The following SLC17A9 variants were observed in gnomAD, a reference collection of about 807,000 sequenced individuals.
SLC17A9 encodes voltage-gated purine nucleotide uniporter SLC17A9.
SLC17A9 carries 49 observed loss-of-function variants against 55.0 expected under a neutral mutation model. The observed-to-expected ratio is 0.89, with a 90% CI of 0.71 to 1.13. SLC17A9 has a LOEUF of 1.13. SLC17A9 is among the 50% of genes most tolerant of loss of function. The probability of loss-of-function intolerance (pLI) is 0.00; values close to 1 mark genes in which losing one functional copy is unlikely to be tolerated. For synonymous variants in SLC17A9, 256 were observed against 247.4 expected (o/e 1.03, Z -0.32); for missense variants, 526 against 569.3 (o/e 0.92, Z 0.77).
chr20:62,952,859 G>A lies in SLC17A9; in HGVS notation c.29G>A (p.Arg10Lys). MQPPPDEAR[R>K]DMAGDTQWSR... ...CAGCCACCCCCAGACGAGGCCCGCA[G>A]GGACATGGCCGGGGACACCCAGTGG... The change falls in exon 1 of 13, where the codon AGG (arginine) becomes AAG (lysine). Residue 10 changes from arginine to lysine, a missense_variant. Arg to Lys is a conservative substitution (Grantham distance 26). Transcript: ENST00000370351. The A allele has an allele frequency of 6.5e-7, 1 of 1,527,604 alleles. No individual in the cohort carries two copies. The highest frequency in any genetic ancestry group is 8.8e-7 in the Non-Finnish European group (1 of 1,141,738). The allele number at this position is 1,527,604 out of a possible 1,614,324, so 94.6% of individuals were successfully genotyped here.
chr20:62,952,863 C>T lies in SLC17A9; in HGVS notation c.33C>T (p.Asp11=). 7.5e-7 allele frequency: 1 copy of T among 1,335,932 alleles called. No homozygotes were observed. The highest frequency in any genetic ancestry group is 9.7e-7 in the Non-Finnish European group (1 of 1,027,190). The allele number at this position is 1,335,932 out of a possible 1,614,324, so 82.8% of individuals were successfully genotyped here. Residue 11 remains aspartate, a synonymous_variant, in exon 1 of 13, where the codon GAC becomes GAT. Coordinates refer to ENST00000370351, the MANE Select transcript of SLC17A9 (RefSeq NM_022082.4). ...CACCCCCAGACGAGGCCCGCAGGGA[C>T]ATGGCCGGGGACACCCAGTGGTCCA... MQPPPDEARR[D]MAGDTQWSRP...
intron 12 of SLC17A9, chr20:62,967,132 CT>C (rs2065647910): frequency 1.6e-6 from 1 of 623,362 alleles, no homozygotes; most frequent in Non-Finnish European, 2.8e-6. Flanking sequence ...TCTGGATGGC[CT>C]GTGAGATCTC....
rs371021173 is a variant in SLC17A9, at chr20:62,958,279, C to T, written c.397+699C>T. On this transcript the variant is annotated intron_variant, in intron 3 of 12. Transcript: ENST00000370351. This position sits in a 1 kb window ranked among gnomAD's most constrained non-coding sequence, Gnocchi z 4.1. ...CCTGCCCCTGAATTTTGTCACCAAACGCCTTAGTTCAGTGGTGGATTCCAG... is the reference window on the plus strand; with the variant it reads ...CCTGCCCCTGAATTTTGTCACCAAATGCCTTAGTTCAGTGGTGGATTCCAG... 2.0e-5 allele frequency among the ~76,000 whole-genome samples: 3 copies of T among 152,194 alleles called. No homozygotes were observed. Among genetic ancestry groups the T allele is most frequent in the African/African-American group, 7.2e-5 (3 of 41,432 alleles).
chr20:62,954,714 T>C (rs2065521259), intron 1 of SLC17A9, among the ~76,000 whole-genome samples: 1 of 152,220 alleles, frequency 6.6e-6, no homozygotes, highest in South Asian at 2.1e-4. Flanking sequence ...TGTGCCCACC[T>C]GGCCAGCACC....
At chr20:62,952,920 G>GGGGGGGGGCA in intron 1 of SLC17A9, 31 bp downstream of exon 1, 1 of 370,426 alleles carries the variant, frequency 2.7e-6, no homozygotes, top group Non-Finnish European at 5.3e-6. Flanking sequence ...GGGGGGGTGG[G>GGGGGGGGGCA]AGCGGTGGAG....
At chr20:62,961,532 T>C (rs1191777313) in intron 4 of SLC17A9, among the ~76,000 whole-genome samples, 2 of 152,092 alleles carry the variant, frequency 1.3e-5, no homozygotes, top group East Asian at 3.9e-4. Context: ...TGTAGCAGGG[T>C]GGATTGGTGC....
Position 62,957,180 on chromosome 20 carries a change from A to AC in SLC17A9, c.257+225dup, listed in dbSNP as rs1177879619. On this transcript the variant is annotated intron_variant, in intron 2 of 12. Coordinates refer to ENST00000370351, the MANE Select transcript of SLC17A9 (RefSeq NM_022082.4). ...CTTGGTGGATAAATCTGGGCAGAAG[A>AC]CCCCCCCAGAGGAAGATGGGAGCTG... The AC allele has an allele frequency of 2.9e-5, 29 of 983,192 alleles. No homozygotes were observed. In the South Asian group the frequency reaches 3.3e-4, roughly 11 times the overall value. The allele number at this position is 983,192 out of a possible 1,614,324, so 60.9% of individuals were successfully genotyped here. A position where few individuals can be genotyped will look rare whatever the true frequency, so the allele number is the denominator to read the frequency against.
At position 62,957,423 on chromosome 20, in the gene SLC17A9, CCTCT is replaced by C. The variant is rs778773140; in HGVS notation, c.258-17_258-14del. The C allele has an allele frequency of 2.5e-5, 39 of 1,561,270 alleles. No individual in the cohort carries two copies. Among genetic ancestry groups the C allele is most frequent in the Non-Finnish European group, 2.9e-5 (34 of 1,155,074 alleles). ...TCCTGCACAGCCACATCCTCACCTC[CCTCT>C]GTCTTCCCTCCAGGATTGGGGGTGA... On this transcript the variant is annotated splice_polypyrimidine_tract_variant and intron_variant, in intron 2 of 12. Transcript: ENST00000370351.
chr20:62,962,875 A>AGAATCCGCC lies in SLC17A9; in HGVS notation c.628+122_628+130dup. 7.1e-7 allele frequency: 1 copy of AGAATCCGCC among 1,411,108 alleles called. No homozygotes were observed. The highest frequency in any genetic ancestry group is 9.6e-7 in the Non-Finnish European group (1 of 1,046,358). 87.4% of individuals were successfully genotyped at this position (1,411,108 alleles called of 1,614,324 possible). On this transcript the variant is annotated intron_variant, in intron 5 of 12. Coordinates refer to ENST00000370351, the MANE Select transcript of SLC17A9 (RefSeq NM_022082.4). This position sits in a 1 kb window ranked among gnomAD's most constrained non-coding sequence, Gnocchi z 5.5. ...GGAGACGATGGCTTTGACCTCCCAAAGAATCCGCCAGTGAGGAAAAGCGCT... is the reference window on the plus strand; with the variant it reads ...GGAGACGATGGCTTTGACCTCCCAAAGAATCCGCCGAATCCGCCAGTGAGGAAAAGCGCT...
chr20:62,969,577 T>G lies in SLC17A9; in HGVS notation c.*2077T>G, dbSNP rs2065665864. On this transcript the variant is annotated 3_prime_UTR_variant, in exon 13 of 13. Coordinates refer to ENST00000370351, the MANE Select transcript of SLC17A9 (RefSeq NM_022082.4). ...ATTTTTAAGGCTGAATAAAATATTG[T>G]GTGGATAAGCCATGTTTTGTGTATC... The G allele has an allele frequency of 6.6e-6, 1 of 152,240 alleles. No individual in the cohort carries two copies. The highest frequency in any genetic ancestry group is 2.4e-5 in the African/African-American group (1 of 41,452). The allele number at this position is 152,240 out of a possible 1,614,324, so 9.4% of individuals were successfully genotyped here.
chr20:62,965,611 G>A lies in SLC17A9; in HGVS notation c.947G>A (p.Gly316Asp). The change falls in exon 10 of 13, where the codon GGC (glycine) becomes GAC (aspartate). Residue 316 changes from glycine (G) to aspartate (D), a missense_variant and splice_region_variant. Transcript: ENST00000370351. ...RAITVRKLMQ[G>D]MGLGLSSVFA... ...CGTCACGGTGGCGCTTTCCTGCAGGGCATGGGCCTTGGCCTCTCCAGCGTC... is the reference window on the plus strand; with the variant it reads ...CGTCACGGTGGCGCTTTCCTGCAGGACATGGGCCTTGGCCTCTCCAGCGTC... The A allele has an allele frequency of 6.2e-7, 1 of 1,612,302 alleles. No individual in the cohort carries two copies. Among genetic ancestry groups the A allele is most frequent in the East Asian group, 2.2e-5 (1 of 44,886 alleles).
At chr20:62,953,315 G>A (rs2065508187) in intron 1 of SLC17A9, 2 of 1,537,086 alleles carry the variant, frequency 1.3e-6, no homozygotes, top group Non-Finnish European at 8.8e-7. Flanking sequence ...CGGGGTTGGG[G>A]GGGGTCCTGC....
chr20:62,955,472 G>A lies in SLC17A9; in HGVS notation c.60-1293G>A, dbSNP rs117496416. ...TGGCTAATTTTTAAAGTTTTTTTTT[G>A]TTTTGTTTTGTTTTTTTTTGTAGAG... On this transcript the variant is annotated intron_variant, in intron 1 of 12. Coordinates refer to ENST00000370351, the MANE Select transcript of SLC17A9 (RefSeq NM_022082.4). Among the ~76,000 whole-genome samples the A allele has an allele frequency of 2.6e-5, 4 of 151,912 alleles. No homozygotes were observed. In the South Asian group the frequency reaches 8.3e-4, roughly 32 times the overall value.
At position 62,958,112 on chromosome 20, in the gene SLC17A9, C is replaced by T. The variant is rs755411003; in HGVS notation, c.397+532C>T. Among the ~76,000 whole-genome samples the T allele has an allele frequency of 6.6e-6, 1 of 152,062 alleles. No homozygotes were observed. Among genetic ancestry groups the T allele is most frequent in the Non-Finnish European group, 1.5e-5 (1 of 67,994 alleles). On this transcript the variant is annotated intron_variant, in intron 3 of 12. Coordinates refer to ENST00000370351, the MANE Select transcript of SLC17A9 (RefSeq NM_022082.4). The surrounding 1 kb of genome is among the most constrained non-coding windows in gnomAD (Gnocchi z 4.1). ...GCGTTCCTGTATCCATGTGTATGTG[C>T]GTATGCGTGCCCATATGCGTGTGTA...
chr20:62,963,616 G>C lies in SLC17A9; in HGVS notation c.758G>C (p.Cys253Ser). Residue 253 changes from cysteine to serine, a missense_variant, in exon 7 of 13, where the codon TGC becomes TCC. Coordinates refer to ENST00000370351, the MANE Select transcript of SLC17A9 (RefSeq NM_022082.4). ...GTCGTCTCCCAGCTCTCTGCAGCCT[G>C]CTCCTTCTTCATCCTCCTCTCCTGG... ...AAVVSQLSAA[C>S]SFFILLSWLP... 1.2e-6 allele frequency: 2 copies of C among 1,602,730 alleles called. No homozygotes were observed. Among genetic ancestry groups the C allele is most frequent in the Non-Finnish European group, 1.7e-6 (2 of 1,174,654 alleles).
rs1187787401 is a variant in SLC17A9 at position 62,968,918 on chromosome 20, T to A, written c.*1418T>A. The A allele has an allele frequency of 6.6e-6, 1 of 152,254 alleles. No individual in the cohort carries two copies. The highest frequency in any genetic ancestry group is 1.5e-5 in the Non-Finnish European group (1 of 68,066). The allele number at this position is 152,254 out of a possible 1,614,324, so 9.4% of individuals were successfully genotyped here. The stretch of plus-strand genomic sequence containing the variant: ...CCAGCTGTGCTGTGGAAAGACAAAG[T>A]GGAGTTTTGCACTTGAGCACAAATG... On this transcript the variant is annotated 3_prime_UTR_variant, in exon 13 of 13. Transcript: ENST00000370351.
At chr20:62,960,902 T>A (rs1188192618) in intron 4 of SLC17A9, among the ~76,000 whole-genome samples, 1 of 152,260 alleles carries the variant, frequency 6.6e-6, no homozygotes, top group Non-Finnish European at 1.5e-5. Flanking sequence ...TTCTTTCATC[T>A]GTGCTAACGA....
At position 62,962,597 on chromosome 20, in the gene SLC17A9, C is replaced by G. The variant is rs1366890984; in HGVS notation, c.498-27C>G. 6.2e-7 allele frequency: 1 copy of G among 1,612,248 alleles called. No homozygotes were observed. The highest frequency in any genetic ancestry group is 1.7e-5 in the Admixed American group (1 of 59,930). ...CACCCGAGGGGTGCCGCTGAGGGGC[C>G]TGGCCACACTCCCCCTGTCTTTGCA... On this transcript the variant is annotated intron_variant, in intron 4 of 12. Transcript: ENST00000370351. The surrounding 1 kb of genome is among the most constrained non-coding windows in gnomAD (Gnocchi z 5.5).
In SLC17A9 at chr20:62,952,778, G is replaced by T. The variant is rs1209008211; in HGVS notation, c.-53G>T. On this transcript the variant is annotated 5_prime_UTR_variant, in exon 1 of 13. Transcript: ENST00000370351. ...GCCCGGGTGGGTCAGCCTGGGCTGG[G>T]AGGCAGCCCCGGGACACAGCTGTGC... 102 of 1,519,798 alleles carry T rather than the reference G, an allele frequency of 6.7e-5. No homozygotes were observed. The highest frequency in any genetic ancestry group is 9.0e-5 in the Non-Finnish European group (102 of 1,135,352). The allele number at this position is 1,519,798 out of a possible 1,614,324, so 94.1% of individuals were successfully genotyped here.
Sources: gnomAD v4.1 joint callset for allele counts (sites outside exome capture counted in the v4.1 genomes callset) on GRCh38, gnomAD v4.1.1 for gene constraint, Gnocchi (gnomAD v3.1) non-coding constraint, MANE v1.5 for transcripts, NCBI Gene and HGNC (gene_info 2026-07-23, HGNC 2026-07-21) for gene names.